Variants in FABP6 observed in about 807,000 individuals in gnomAD.
FABP6 encodes the protein fatty acid binding protein 6, also known as gastrotropin.
In FABP6, 13 loss-of-function variants were observed where a neutral mutation model predicts 14.9. That is an observed-to-expected ratio of 0.87 (90% CI 0.57 to 1.39). The LOEUF is 1.39. FABP6 is among the 40% of genes most tolerant of loss of function. The pLI, the probability that FABP6 is intolerant of heterozygous loss-of-function variation, is 0.00. For missense variants in FABP6, 161 were observed against 167.2 expected (o/e 0.96, Z 0.20); for synonymous variants, 75 against 63.6 (o/e 1.18, Z -0.85).
intron 3 of FABP6, among the ~76,000 whole-genome samples, chr5:160,214,111 C>CTT (rs933091228): frequency 7.3e-6 from 1 of 137,410 alleles, no homozygotes; most frequent in African/African-American, 2.8e-5. Flanking sequence ...TTCTTTCTTT[C>CTT]TTTCTTTCTT....
rs191607528 is a variant in FABP6 at position 160,234,586 on chromosome 5, C to T, written c.244-234C>T. On this transcript the variant is annotated intron_variant, in intron 2 of 3. Coordinates refer to ENST00000402432, the MANE Select transcript of FABP6 (RefSeq NM_001445.3). ...GGATTACAGGCATGAGCCACCACACCGGGCTACTTTTTGTATTTTTAGTAG... is the reference window on the plus strand; with the variant it reads ...GGATTACAGGCATGAGCCACCACACTGGGCTACTTTTTGTATTTTTAGTAG... Among the ~76,000 whole-genome samples the T allele has an allele frequency of 2.3e-3, 351 of 152,166 alleles. 1 individual carries two copies. The highest frequency in any genetic ancestry group is 8.1e-3 in the African/African-American group (337 of 41,504).
chr5:160,220,460 T>C (rs1245827503), intron 3 of FABP6, among the ~76,000 whole-genome samples: 1 of 151,936 alleles, frequency 6.6e-6, no homozygotes, highest in Non-Finnish European at 1.5e-5. Flanking sequence ...AGTTAAAAAA[T>C]TAGCCGTGCG....
intron 3 of FABP6, among the ~76,000 whole-genome samples, chr5:160,236,308 A>G (rs1394417803): frequency 3.3e-5 from 5 of 152,052 alleles, no homozygotes; most frequent in Admixed American, 6.5e-5. Flanking sequence ...GAGCCACTGC[A>G]CCAGGCCTTG....
chr5:160,234,536 C>A (rs578215792), intron 2 of FABP6, among the ~76,000 whole-genome samples: 2 of 151,740 alleles, frequency 1.3e-5, no homozygotes, highest in South Asian at 4.2e-4. Flanking sequence ...AAGTGATTCT[C>A]ACGCCTCAGC....
intron 2 of FABP6, among the ~76,000 whole-genome samples, chr5:160,211,919 C>G (rs1025717659): frequency 1.1e-4 from 16 of 151,876 alleles, no homozygotes; most frequent in Admixed American, 9.2e-4. Flanking sequence ...TGCCTTCCAG[C>G]TGCTTATATC....
At chr5:160,234,379 ACTT>A (rs764018927) in intron 2 of FABP6, among the ~76,000 whole-genome samples, 1 of 54,644 alleles carries the variant, frequency 1.8e-5, no homozygotes, top group African/African-American at 7.6e-5. Flanking sequence ...AAGAAATCTG[ACTT>A]TTTTTTTTTT....
At chr5:160,238,426 A>ATCACAGGGAGTCT (rs1580928139) in intron 3 of FABP6, among the ~76,000 whole-genome samples, 180 bp from the exon 4 acceptor site, 1 of 152,188 alleles carries the variant, frequency 6.6e-6, no homozygotes, top group African/African-American at 2.4e-5. Flanking sequence ...GTTACCATTC[A>ATCACAGGGAGTCT]TCACAGGGAG....
intron 3 of FABP6, among the ~76,000 whole-genome samples, chr5:160,223,628 A>G (rs188402339): frequency 1.6e-4 from 24 of 150,700 alleles, no homozygotes; most frequent in African/African-American, 5.6e-4. Flanking sequence ...TTGTCTCACT[A>G]TATTGCCAGG....
intron 2 of FABP6, among the ~76,000 whole-genome samples, chr5:160,211,553 C>T (rs952561037): frequency 1.3e-5 from 2 of 152,134 alleles, no homozygotes; most frequent in Non-Finnish European, 2.9e-5. Flanking sequence ...CTGTAACTGT[C>T]CAAGCTGGGA....
At position 160,213,715 on chromosome 5, in the gene FABP6, A is replaced by C. The variant is rs376096183; in HGVS notation, c.52-21A>C. The stretch of plus-strand genomic sequence containing the variant: ...ACTTGACTCAGGATAGGCCAATCAG[A>C]TTATTTCTCTTCTGACTCAGGTTCT... On this transcript the variant is annotated intron_variant, in intron 2 of 6. Transcript: ENST00000393980. The C allele has an allele frequency of 1.2e-5, 19 of 1,611,950 alleles. No homozygotes were observed. In the African/African-American group the frequency reaches 2.0e-4, roughly 17 times the overall value.
intron 1 of FABP6, among the ~76,000 whole-genome samples, chr5:160,193,827 G>A (rs145881832): frequency 0.091 from 13,922 of 152,300 alleles, 851 homozygotes; most frequent in East Asian, 0.36. Context: ...AGCCCAGCTG[G>A]CTTCACCCAG....
chr5:160,214,152 T>TTTCTTTCTTTCTTTCTTTCTTTCA (rs755078967), intron 3 of FABP6, among the ~76,000 whole-genome samples: 1 of 128,890 alleles, frequency 7.8e-6, no homozygotes, highest in Admixed American at 8.0e-5. Flanking sequence ...TCTTTCTTTC[T>TTTCTTTCTTTCTTTCTTTCTTTCA]TTCTTTCCTT....
At chr5:160,227,431 G>A (rs1355166188), upstream of FABP6, among the ~76,000 whole-genome samples, 1 of 151,002 alleles carries the variant, frequency 6.6e-6, no homozygotes, top group Non-Finnish European at 1.5e-5. Context: ...GGAGGCTGAG[G>A]CAGGAGAATC....
intron 1 of FABP6, chr5:160,198,974 G>A (rs974708588): frequency 2.7e-5 from 25 of 912,168 alleles, no homozygotes; most frequent in South Asian, 1.8e-4. Context: ...AAAATGGATT[G>A]AATAGACAAA....
chr5:160,193,485 T>C (rs4543312), intron 1 of FABP6, among the ~76,000 whole-genome samples: 140,601 of 152,144 alleles, frequency 0.92, 65,170 homozygotes, highest in African/African-American at 0.98. Context: ...ATTCTCTTAT[T>C]TGGCCCCACC....
At chr5:160,214,139 CTTT>C (rs1759960870) in intron 3 of FABP6, among the ~76,000 whole-genome samples, 1 of 144,928 alleles carries the variant, frequency 6.9e-6, no homozygotes, top group Non-Finnish European at 1.5e-5. Flanking sequence ...TTCTTTCTTT[CTTT>C]CTTTCTTTCT....
At chr5:160,233,945 C>A (rs1580925150) in intron 2 of FABP6, among the ~76,000 whole-genome samples, 1 of 152,076 alleles carries the variant, frequency 6.6e-6, no homozygotes, top group African/African-American at 2.4e-5. Context: ...TAGGGCCTTG[C>A]AGCTAGAACA....
chr5:160,188,028 A>T (rs1052703592), intron 1 of FABP6, among the ~76,000 whole-genome samples: 3 of 150,688 alleles, frequency 2.0e-5, no homozygotes, highest in Non-Finnish European at 4.4e-5. Flanking sequence ...TTGAGATTAC[A>T]GACGTGAGCC....
At chr5:160,187,547 A>C in intron 1 of FABP6, 1 of 136,362 alleles carries the variant, frequency 7.3e-6, no homozygotes, top group African/African-American at 2.8e-5. Context: ...AGCTCATGGA[A>C]GGGTGGGGAA....
Sources: gnomAD v4.1 joint callset for allele counts (sites outside exome capture counted in the v4.1 genomes callset) on GRCh38, gnomAD v4.1.1 for gene constraint, MANE v1.5 for transcripts, NCBI Gene and HGNC (gene_info 2026-07-23, HGNC 2026-07-21) for gene names.